The following PCDHGA8 variants were observed in gnomAD, a reference collection of about 807,000 sequenced individuals.
PCDHGA8 encodes protocadherin gamma subfamily A, 8.
Under a neutral mutation model 59.2 loss-of-function variants are expected in PCDHGA8, and 45 were observed. The observed-to-expected ratio is 0.76, with a 90% CI of 0.60 to 0.98. The LOEUF (loss-of-function observed/expected upper bound fraction) is 0.98, where lower values mean the gene tolerates loss of function less well. Ranked by LOEUF, PCDHGA8 falls within the 50% of genes least tolerant of loss-of-function variation. PCDHGA8 has a pLI of 0.00. For synonymous variants in PCDHGA8, 531 were observed against 519.0 expected (o/e 1.02, Z -0.32); for missense variants, 1,257 against 1,196.2 (o/e 1.05, Z -0.75).
In PCDHGA8 at chr5:141,487,818, G is replaced by A. The variant is rs1009237001; in HGVS notation, c.2425-6989G>A. On this transcript the variant is annotated intron_variant, in intron 1 of 3. Coordinates refer to ENST00000398604, the MANE Select transcript of PCDHGA8 (RefSeq NM_032088.2). This position sits in a 1 kb window ranked among gnomAD's most constrained non-coding sequence, Gnocchi z 5.0. ...GAGTTGTCACAGTTTAGCATTGGGG[G>A]CGGGTCATGCCTATATCTGAGTAAG... The A allele has an allele frequency of 1.2e-4, 158 of 1,331,596 alleles. No homozygotes were observed. The highest frequency in any genetic ancestry group is 1.4e-4 in the Non-Finnish European group (140 of 970,524). 82.5% of individuals were successfully genotyped at this position (1,331,596 alleles called of 1,614,324 possible). A position where few individuals can be genotyped will look rare whatever the true frequency, so the allele number is the denominator to read the frequency against.
intron 2 of PCDHGA8, among the ~76,000 whole-genome samples, chr5:141,496,839 AG>A (rs2099771805): frequency 1.3e-5 from 2 of 151,484 alleles, no homozygotes; most frequent in African/African-American, 4.9e-5. Context: ...CAGAACTCAT[AG>A]GCTTCCAGAC....
At chr5:141,399,291 T>A in intron 1 of PCDHGA8, 1 of 1,613,954 alleles carries the variant, frequency 6.2e-7, no homozygotes, top group East Asian at 2.2e-5. Context: ...AAGTCCCTTT[T>A]AAGATTATCT....
At position 141,394,798 on chromosome 5, in the gene PCDHGA8, T is replaced by C. The variant is rs770334197; in HGVS notation, c.1985T>C (p.Val662Ala). 6.2e-7 allele frequency: 1 copy of C among 1,613,818 alleles called. No homozygotes were observed. The highest frequency in any genetic ancestry group is 8.5e-7 in the Non-Finnish European group (1 of 1,180,000). ...PPLSATVTLT[V>A]AVADSIPEVL... ...CTCTCCGCCACTGTCACGCTCACCG[T>C]AGCCGTGGCTGACAGCATCCCCGAA... The change falls in exon 1 of 4, where the codon GTA becomes GCA. Residue 662 changes from valine (V) to alanine (A), a missense_variant. Coordinates refer to ENST00000398604, the MANE Select transcript of PCDHGA8 (RefSeq NM_032088.2).
intron 1 of PCDHGA8, among the ~76,000 whole-genome samples, chr5:141,407,531 T>C (rs757019162): frequency 3.3e-5 from 5 of 151,462 alleles, no homozygotes; most frequent in South Asian, 2.1e-4. Context: ...TAACTTATTG[T>C]GCATTGGTAA....
intron 1 of PCDHGA8, chr5:141,404,674 T>C: frequency 1.9e-6 from 3 of 1,614,176 alleles, no homozygotes; most frequent in East Asian, 2.2e-5. Context: ...GTTCTACTGG[T>C]GTGGAGCTGG....
intron 1 of PCDHGA8, chr5:141,411,407 A>G (rs2154543610): frequency 6.6e-6 from 1 of 151,868 alleles, no homozygotes; most frequent in East Asian, 1.9e-4. Context: ...CCCCATCTCT[A>G]CTAAAACAAC....
chr5:141,495,108 C>G (rs1304714928), intron 2 of PCDHGA8, among the ~76,000 whole-genome samples: 1 of 152,176 alleles, frequency 6.6e-6, no homozygotes, highest in Admixed American at 6.5e-5. Context: ...ACGACCGGCA[C>G]CTTTTCCTAT....
At chr5:141,410,170 C>A in intron 1 of PCDHGA8, 1 of 1,613,828 alleles carries the variant, frequency 6.2e-7, no homozygotes, top group African/African-American at 1.3e-5. Context: ...CACTCTCTGC[C>A]ACCGCCACGC....
At position 141,459,173 on chromosome 5, in the gene PCDHGA8, AG is replaced by A. The variant is rs370401072; in HGVS notation, c.2425-35633del. Among the ~76,000 whole-genome samples the A allele has an allele frequency of 3.1e-3, 479 of 152,326 alleles. 10 individuals carry two copies. In the South Asian group the frequency reaches 0.063, roughly 20 times the overall value. ...ATAGAACATTTCTATAACCTTCAAA[AG>A]TTCCCTCATGCCCCTTTGCAATCAA... On this transcript the variant is annotated intron_variant, in intron 1 of 3. Coordinates refer to ENST00000398604, the MANE Select transcript of PCDHGA8 (RefSeq NM_032088.2).
At chr5:141,484,660 T>G in intron 1 of PCDHGA8, among the ~76,000 whole-genome samples, 1 of 151,976 alleles carries the variant, frequency 6.6e-6, no homozygotes, top group Non-Finnish European at 1.5e-5. Flanking sequence ...ACTCTCCCTC[T>G]CAGTGGGCCG....
At chr5:141,488,198 GGACTC>G in intron 1 of PCDHGA8, among the ~76,000 whole-genome samples, 1 of 152,166 alleles carries the variant, frequency 6.6e-6, no homozygotes, top group Non-Finnish European at 1.5e-5. Context: ...CTGGGTCTTA[GGACTC>G]ATATCAAGTC....
chr5:141,419,192 G>A (rs772847766), intron 1 of PCDHGA8: 65 of 1,613,816 alleles, frequency 4.0e-5, no homozygotes, highest in Middle Eastern at 1.6e-4. Context: ...CATTACTGAC[G>A]TCAATGACAA....
At chr5:141,466,765 G>A (rs1199343616) in intron 1 of PCDHGA8, among the ~76,000 whole-genome samples, 1 of 151,996 alleles carries the variant, frequency 6.6e-6, no homozygotes, top group African/African-American at 2.4e-5. Context: ...TTTTCAAACT[G>A]TTATCTTATT....
At chr5:141,447,163 G>T (rs11167747) in intron 1 of PCDHGA8, among the ~76,000 whole-genome samples, 6,233 of 151,894 alleles carry the variant, frequency 0.041, 196 homozygotes, top group Admixed American at 0.075. Flanking sequence ...TGTTTAAGCG[G>T]GGTCTTGCTC....
intron 1 of PCDHGA8, chr5:141,417,547 G>C (rs756455730): frequency 9.7e-5 from 31 of 318,264 alleles, no homozygotes; most frequent in Non-Finnish European, 1.5e-4. Flanking sequence ...AAAATTCCTT[G>C]AAAGAGGTAG....
At chr5:141,449,436 A>T (rs1177598228) in intron 1 of PCDHGA8, among the ~76,000 whole-genome samples, 1 of 151,792 alleles carries the variant, frequency 6.6e-6, no homozygotes, top group African/African-American at 2.4e-5. Flanking sequence ...ATAAAACTCC[A>T]TCTCTACTAA....
intron 1 of PCDHGA8, among the ~76,000 whole-genome samples, chr5:141,424,889 G>A (rs1173725674): frequency 6.6e-6 from 1 of 152,090 alleles, no homozygotes; most frequent in Non-Finnish European, 1.5e-5. Flanking sequence ...ACTTATCTAG[G>A]GTTTTTGATC....
At chr5:141,449,588 CAAAAAAA>C (rs768743917) in intron 1 of PCDHGA8, among the ~76,000 whole-genome samples, 5 of 57,506 alleles carry the variant, frequency 8.7e-5, no homozygotes, top group Admixed American at 3.6e-4. Flanking sequence ...GACTCTGTCT[CAAAAAAA>C]AAAAAAAAAA....
intron 1 of PCDHGA8, among the ~76,000 whole-genome samples, chr5:141,455,460 A>G (rs1175234914): frequency 1.3e-5 from 2 of 152,186 alleles, no homozygotes; most frequent in Non-Finnish European, 2.9e-5. Flanking sequence ...GATACCAGCC[A>G]GGTATATATG....
Sources: gnomAD v4.1 joint callset for allele counts (sites outside exome capture counted in the v4.1 genomes callset) on GRCh38, gnomAD v4.1.1 for gene constraint, Gnocchi (gnomAD v3.1) non-coding constraint, MANE v1.5 for transcripts, NCBI Gene and HGNC (gene_info 2026-07-23, HGNC 2026-07-21) for gene names.